The following MMS19 variants were observed in gnomAD, a reference collection of about 807,000 sequenced individuals.
MMS19 encodes the protein MMS19 nucleotide excision repair protein homolog.
A neutral mutation model predicts 129.8 loss-of-function variants in MMS19; 77 were observed. The ratio of observed to expected loss-of-function variants is 0.59; its 90% CI spans 0.49 to 0.72. MMS19 has a LOEUF of 0.72. MMS19 is among the 30% of genes least tolerant of loss of function. The pLI, the probability that MMS19 is intolerant of heterozygous loss-of-function variation, is 0.00. For synonymous variants in MMS19, 491 were observed against 502.8 expected (o/e 0.98, Z 0.31); for missense variants, 1,168 against 1,266.3 (o/e 0.92, Z 1.18).
rs747504703 is a variant in MMS19 at position 97,481,016 on chromosome 10, C to T, written c.188G>A (p.Arg63Gln). The T allele has an allele frequency of 9.3e-6, 15 of 1,607,290 alleles. No individual in the cohort carries two copies. The Admixed American group carries it at 1.2e-4, about 13-fold the overall frequency. Reference sequence around the variant, plus strand: ...AAGCTGGATTGCTCGTGCCCGAGTTCGGGGTTCTGGATTCTCTAGAGAGGA... The same window carrying T: ...AAGCTGGATTGCTCGTGCCCGAGTTTGGGGTTCTGGATTCTCTAGAGAGGA... ...LGSSLENPEP[R>Q]TRARAIQLLS... Residue 63 changes from arginine to glutamine, a missense_variant, in exon 3 of 31, where the codon CGA (arginine) becomes CAA (glutamine). Physicochemically the swap from Arg to Gln is conservative, Grantham distance 43. Coordinates refer to ENST00000438925, the MANE Select transcript of MMS19 (RefSeq NM_022362.5).
chr10:97,476,033 A>T (rs998031477), intron 8 of MMS19, among the ~76,000 whole-genome samples: 1 of 152,188 alleles, frequency 6.6e-6, no homozygotes, highest in Non-Finnish European at 1.5e-5. Context: ...GCTGCAATAG[A>T]ATGCCTTTTA....
intron 1 of MMS19, among the ~76,000 whole-genome samples, chr10:97,494,207 C>T (rs2039423793): frequency 6.6e-6 from 1 of 152,178 alleles, no homozygotes; most frequent in Admixed American, 6.5e-5. Flanking sequence ...TTTTCCAACA[C>T]GTTCAAGATT....
intron 5 of MMS19, among the ~76,000 whole-genome samples, 162 bp downstream of exon 5, chr10:97,477,693 A>G (rs193227666): frequency 2.2e-4 from 34 of 152,346 alleles, no homozygotes; most frequent in African/African-American, 8.2e-4. Context: ...TCCTTGTCCA[A>G]TAACAAAGAT....
Position 97,460,250 on chromosome 10 carries a change from T to C in MMS19, c.2470-18A>G. 1 of 1,604,666 alleles carries C rather than the reference T, an allele frequency of 6.2e-7. No homozygotes were observed. Among genetic ancestry groups the C allele is most frequent in the Non-Finnish European group, 8.5e-7 (1 of 1,174,004 alleles). ...CCCATGAGCTGGAGAAAAAAGAGCC[T>C]TTGAGGTACATCAGGGAAGAAGAAT... is the stretch of plus-strand genomic sequence containing the variant. On this transcript the variant is annotated intron_variant, in intron 25 of 30. Transcript: ENST00000438925.
chr10:97,492,038 T>A (rs971795239), intron 1 of MMS19, among the ~76,000 whole-genome samples: 2 of 149,660 alleles, frequency 1.3e-5, no homozygotes, highest in African/African-American at 5.0e-5. Flanking sequence ...CTCCGAAGGC[T>A]GAGGCAGGAG....
At chr10:97,472,989 C>CT (rs1254149751) in intron 8 of MMS19, among the ~76,000 whole-genome samples, 1 of 152,070 alleles carries the variant, frequency 6.6e-6, no homozygotes, top group Non-Finnish European at 1.5e-5. Flanking sequence ...TCACAAGTAG[C>CT]TGGGACTGCA....
intron 16 of MMS19, 65 bp downstream of exon 16, chr10:97,466,439 G>T (rs1166077135): frequency 3.1e-6 from 4 of 1,294,916 alleles, no homozygotes; most frequent in Non-Finnish European, 4.5e-6. Flanking sequence ...GTCCTAGCTT[G>T]ATCTTTTGCT....
At position 97,470,037 on chromosome 10, in the gene MMS19, A is replaced by T; in HGVS notation, c.846+92T>A. On this transcript the variant is annotated intron_variant, in intron 10 of 30. Transcript: ENST00000438925. The stretch of plus-strand genomic sequence containing the variant: ...TGGGTATCCTCTTCTGAGGCCCATG[A>T]ACTGTTCCTTGGCTATCCTAGAATC... 2.6e-5 allele frequency: 24 copies of T among 922,326 alleles called. 1 individual carries two copies. In the South Asian group the frequency reaches 3.4e-4, roughly 13 times the overall value. 57.1% of individuals were successfully genotyped at this position (922,326 alleles called of 1,614,324 possible).
chr10:97,489,240 A>C (rs1305053240), intron 1 of MMS19, among the ~76,000 whole-genome samples: 1 of 152,260 alleles, frequency 6.6e-6, no homozygotes, highest in East Asian at 1.9e-4. Context: ...AACAGTGTAT[A>C]TAATATGTGC....
At chr10:97,470,082 A>G (rs1280141388) in intron 10 of MMS19, 47 bp downstream of exon 10, 5 of 1,295,530 alleles carry the variant, frequency 3.9e-6, no homozygotes, top group Non-Finnish European at 5.5e-6. Flanking sequence ...TAGGACCCCT[A>G]ACTTGTCAAA....
intron 8 of MMS19, among the ~76,000 whole-genome samples, chr10:97,471,643 T>C (rs2034720624): frequency 6.6e-6 from 1 of 152,098 alleles, no homozygotes; most frequent in African/African-American, 2.4e-5. Flanking sequence ...CCCAAGTAGC[T>C]GGGGTTACAG....
At chr10:97,479,010 T>C (rs559751984) in intron 3 of MMS19, among the ~76,000 whole-genome samples, 1 of 152,096 alleles carries the variant, frequency 6.6e-6, no homozygotes, top group African/African-American at 2.4e-5. Context: ...GCCCAGAGGT[T>C]TAAGGCCACC....
Position 97,467,490 on chromosome 10 carries a change from G to A in MMS19, c.1297+15C>T. On this transcript the variant is annotated intron_variant, in intron 14 of 30. Transcript: ENST00000438925. ...TCAACAGTCCCCAGAGCACTGCAAT[G>A]GAAGGCAACCTCACCTTTGTCTTCA... is the stretch of plus-strand genomic sequence containing the variant. 6.2e-7 allele frequency: 1 copy of A among 1,602,960 alleles called. No individual in the cohort carries two copies.
chr10:97,466,364 G>T, intron 16 of MMS19, 140 bp downstream of exon 16: 1 of 789,480 alleles, frequency 1.3e-6, no homozygotes, highest in Non-Finnish European at 2.2e-6. Context: ...CTGGTTAGCA[G>T]CCAGAGTCTA....
chr10:97,485,912 A>G lies in MMS19; in HGVS notation c.113-1761T>C, dbSNP rs974296923. Among the ~76,000 whole-genome samples, 5 of 152,366 alleles carry G rather than the reference A, an allele frequency of 3.3e-5. No individual in the cohort carries two copies. In the East Asian group the frequency reaches 9.6e-4, roughly 29 times the overall value. On this transcript the variant is annotated intron_variant, in intron 1 of 30. Coordinates refer to ENST00000438925, the MANE Select transcript of MMS19 (RefSeq NM_022362.5). ...TAGTACAGCCATTATGGAAAACAGC[A>G]TGGAGGTTTCTTAAAAAATTAAAAA...
chr10:97,479,809 C>A (rs1259799870), intron 3 of MMS19, among the ~76,000 whole-genome samples: 1 of 151,468 alleles, frequency 6.6e-6, no homozygotes, highest in Non-Finnish European at 1.5e-5. Flanking sequence ...CAACTAAAAC[C>A]CCCAATAAAC....
chr10:97,498,286 G>A lies in MMS19; in HGVS notation c.99C>T (p.Asp33=), dbSNP rs762501495. The A allele has an allele frequency of 7.3e-5, 114 of 1,568,114 alleles. No individual in the cohort carries two copies. The highest frequency in any genetic ancestry group is 8.9e-5 in the Non-Finnish European group (104 of 1,164,268). The change falls in exon 1 of 31, where the codon GAC becomes GAT. Residue 33 remains aspartate (D), a synonymous_variant. Coordinates refer to ENST00000438925, the MANE Select transcript of MMS19 (RefSeq NM_022362.5). Reference sequence around the variant, plus strand: ...CGTCTGCCGTACCTGCAGCCACCTGGTCAGCGGGGCCCTCTTGCTGACCCA... The same window carrying A: ...CGTCTGCCGTACCTGCAGCCACCTGATCAGCGGGGCCCTCTTGCTGACCCA... The part of the protein sequence containing the change: ...FVVGQQEGPA[D]QVAADVKSGN...
rs138391730 is a variant in MMS19, at chr10:97,460,108, C to T, written c.2594G>A (p.Arg865His). ...CACATTATCTGTGAAGAACCGCTGG[C>T]GGAACATGATCCGCACTTCGGCATG... ...AGHAEVRIMF[R>H]QRFFTDNVPA... Residue 865 changes from arginine to histidine, a missense_variant, in exon 26 of 31, where the codon CGC becomes CAC. Physicochemically the swap from Arg to His is conservative, Grantham distance 29. Around this residue, in one of 3 missense-constraint regions of MMS19, gnomAD observed 831 missense variants for 910.8 expected, o/e 0.91. Transcript: ENST00000438925. 2,544 of 1,613,896 alleles carry T rather than the reference C, an allele frequency of 1.6e-3. 3 individuals are homozygous for T. Among genetic ancestry groups the T allele is most frequent in the Non-Finnish European group, 2.1e-3 (2,441 of 1,179,890 alleles).
chr10:97,464,625 T>A (rs2032953997), intron 18 of MMS19, among the ~76,000 whole-genome samples: 1 of 152,066 alleles, frequency 6.6e-6, no homozygotes, highest in Non-Finnish European at 1.5e-5. Context: ...ACAGACCATC[T>A]TTTGAGCACC....
Sources: gnomAD v4.1 joint callset for allele counts (sites outside exome capture counted in the v4.1 genomes callset) on GRCh38, gnomAD v4.1.1 for gene constraint, gnomAD v4.1.1 regional missense constraint, MANE v1.5 for transcripts, NCBI Gene and HGNC (gene_info 2026-07-23, HGNC 2026-07-21) for gene names.